NAALADL2: variants seen among roughly 807,000 people sequenced by gnomAD.
NAALADL2 encodes the protein N-acetylated alpha-linked acidic dipeptidase like 2.
Under a neutral mutation model 87.2 loss-of-function variants are expected in NAALADL2, and 76 were observed. The observed-to-expected ratio is 0.87, with a 90% CI of 0.72 to 1.05. NAALADL2 has a LOEUF of 1.05. NAALADL2 is among the 50% of genes least tolerant of loss of function. The probability of loss-of-function intolerance (pLI) is 0.00; values close to 1 mark genes in which losing one functional copy is unlikely to be tolerated. For synonymous variants in NAALADL2, 354 were observed against 331.0 expected (o/e 1.07, Z -0.75); for missense variants, 1,089 against 945.8 (o/e 1.15, Z -1.99).
At chr3:175,469,298 C>A (rs9830043) in intron 8 of NAALADL2, among the ~76,000 whole-genome samples, 84,442 of 151,934 alleles carry the variant, frequency 0.56, 24,967 homozygotes, top group East Asian at 0.69. Context: ...TGCTAGTTGT[C>A]CTGTTTTGCC....
intron 1 of NAALADL2, among the ~76,000 whole-genome samples, chr3:174,870,024 AAAAAAAG>A (rs1224247518): frequency 1.3e-5 from 2 of 151,370 alleles, no homozygotes; most frequent in African/African-American, 2.4e-5. Flanking sequence ...AAAAAAAAAA[AAAAAAAG>A]GCTAATTATG....
intron 2 of NAALADL2, among the ~76,000 whole-genome samples, chr3:175,184,193 C>T (rs969292371): frequency 9.2e-5 from 14 of 152,030 alleles, no homozygotes; most frequent in Admixed American, 6.6e-5. Flanking sequence ...GTAGGATCAA[C>T]GCCATCTGGA....
intron 7 of NAALADL2, among the ~76,000 whole-genome samples, chr3:175,464,414 A>G (rs1723659841): frequency 7.0e-6 from 1 of 141,848 alleles, no homozygotes; most frequent in Non-Finnish European, 1.5e-5. Flanking sequence ...ACAGAGAGAG[A>G]CTCCATCTCA....
Position 175,226,798 on chromosome 3 carries a change from C to T in NAALADL2, c.546-7133C>T, listed in dbSNP as rs545960386. On this transcript the variant is annotated intron_variant, in intron 2 of 13. Transcript: ENST00000454872. ...GAAGGCTACGGGATGCTGCCTTTCC[C>T]TCTCAACCATTTAATTCCTTGCTGC... 3.9e-5 allele frequency among the ~76,000 whole-genome samples: 6 copies of T among 152,212 alleles called. No homozygotes were observed. In the South Asian group the frequency reaches 1.2e-3, roughly 32 times the overall value.
intron 4 of NAALADL2, among the ~76,000 whole-genome samples, chr3:175,307,419 G>C (rs1238421598): frequency 6.6e-6 from 1 of 152,010 alleles, no homozygotes; most frequent in African/African-American, 2.4e-5. Context: ...GTAAGTATAC[G>C]TATAGAAATT....
intron 1 of NAALADL2, among the ~76,000 whole-genome samples, chr3:174,895,210 A>G (rs1408344588): frequency 1.3e-5 from 2 of 152,282 alleles, no homozygotes; most frequent in Middle Eastern, 6.8e-3. Context: ...TTAAAATGAA[A>G]TAAACAATAC....
At chr3:174,864,752 G>A (rs1243206174) in intron 1 of NAALADL2, among the ~76,000 whole-genome samples, 1 of 152,000 alleles carries the variant, frequency 6.6e-6, no homozygotes, top group African/African-American at 2.4e-5. Flanking sequence ...ATTTTGGAAG[G>A]AGTTTAAACA....
At chr3:174,458,161 T>G (rs932392325) in intron 1 of NAALADL2, among the ~76,000 whole-genome samples, 17 of 152,198 alleles carry the variant, frequency 1.1e-4, no homozygotes, top group Non-Finnish European at 2.1e-4. Context: ...ATTTTTTTAA[T>G]TTATAAAGTA....
intron 3 of NAALADL2, among the ~76,000 whole-genome samples, chr3:174,738,395 C>A (rs1733419504): frequency 6.6e-6 from 1 of 152,160 alleles, no homozygotes. Flanking sequence ...TCTTTTAACT[C>A]TTCTGAGTCA....
intron 3 of NAALADL2, chr3:175,235,337 C>T (rs949746061): frequency 6.6e-6 from 1 of 152,134 alleles, no homozygotes; most frequent in Non-Finnish European, 1.5e-5. Flanking sequence ...GTATATATCA[C>T]ACTTTGACTT....
At chr3:174,873,456 T>C (rs1044236016) in intron 1 of NAALADL2, among the ~76,000 whole-genome samples, 2 of 152,008 alleles carry the variant, frequency 1.3e-5, no homozygotes, top group Non-Finnish European at 2.9e-5. Flanking sequence ...GGTTTCACTC[T>C]TCTGGCCGGG....
rs1050642164 is a variant in NAALADL2 at position 175,325,739 on chromosome 3, A to T, written c.1090+1414A>T. 5.9e-5 allele frequency among the ~76,000 whole-genome samples: 9 copies of T among 152,250 alleles called. No homozygotes were observed. In the East Asian group the frequency reaches 1.2e-3, roughly 20 times the overall value. The stretch of plus-strand genomic sequence containing the variant: ...CAGTCATAGCTAGCAAGTGTTGGCC[A>T]GAGTTGTAAGGAGTTTCAACATCCT... On this transcript the variant is annotated intron_variant, in intron 5 of 13. Transcript: ENST00000454872.
At chr3:175,702,904 A>C (rs1739178159) in intron 11 of NAALADL2, among the ~76,000 whole-genome samples, 1 of 152,004 alleles carries the variant, frequency 6.6e-6, no homozygotes, top group Admixed American at 6.6e-5. Flanking sequence ...AAAGAAATGC[A>C]CTTGAGGAAA....
chr3:175,578,466 A>G (rs1038564424), intron 10 of NAALADL2, among the ~76,000 whole-genome samples: 3 of 152,170 alleles, frequency 2.0e-5, no homozygotes. Context: ...AGCCCATAAT[A>G]TCTACCACTT....
At chr3:175,794,557 G>A (rs904785499) in intron 13 of NAALADL2, among the ~76,000 whole-genome samples, 1 of 152,116 alleles carries the variant, frequency 6.6e-6, no homozygotes, top group Non-Finnish European at 1.5e-5. Flanking sequence ...GCAGTGGAAT[G>A]GGAGTCTTAC....
At chr3:175,053,323 T>C (rs9827932) in intron 1 of NAALADL2, among the ~76,000 whole-genome samples, 45,970 of 152,080 alleles carry the variant, frequency 0.3, 9,659 homozygotes, top group African/African-American at 0.6. Flanking sequence ...ATAGCTACCA[T>C]TAAATTCCTC....
At chr3:175,221,087 TA>T (rs1454868930) in intron 2 of NAALADL2, among the ~76,000 whole-genome samples, 1 of 151,066 alleles carries the variant, frequency 6.6e-6, no homozygotes, top group Non-Finnish European at 1.5e-5. Context: ...TAATCTTAGA[TA>T]CTTGGGAGGC....
chr3:175,435,189 C>G (rs996669373), intron 5 of NAALADL2, among the ~76,000 whole-genome samples: 10 of 151,680 alleles, frequency 6.6e-5, no homozygotes, highest in African/African-American at 1.9e-4. Flanking sequence ...AAGATAAAAC[C>G]CTTTACCAGA....
chr3:175,188,442 G>C (rs1234342290), intron 2 of NAALADL2, among the ~76,000 whole-genome samples: 1 of 152,116 alleles, frequency 6.6e-6, no homozygotes, highest in South Asian at 2.1e-4. Context: ...CAGTGCCTGA[G>C]TTGATGTGAT....
Sources: allele counts gnomAD v4.1 joint callset (sites outside exome capture counted in the v4.1 genomes callset), GRCh38; gene constraint gnomAD v4.1.1; transcripts MANE v1.5; gene names NCBI Gene and HGNC (gene_info 2026-07-23, HGNC 2026-07-21).